Variants in ZNF420 observed in about 807,000 individuals in gnomAD.
ZNF420 encodes zinc finger protein 420, also known as ATM and p53-associated KZNF protein.
ZNF420 carries 31 observed loss-of-function variants against 44.7 expected under a neutral mutation model. That is an observed-to-expected ratio of 0.69 (90% CI 0.52 to 0.94). The LOEUF (loss-of-function observed/expected upper bound fraction) is 0.94. Among genes scored for constraint, ZNF420 ranks in the 40% least tolerant of loss-of-function variants. The probability of loss-of-function intolerance (pLI) is 0.00; values close to 1 mark genes in which losing one functional copy is unlikely to be tolerated. For missense variants in ZNF420, 681 were observed against 827.9 expected (o/e 0.82, Z 2.18); for synonymous variants, 245 against 267.4 (o/e 0.92, Z 0.82).
upstream of ZNF420, among the ~76,000 whole-genome samples, chr19:37,074,526 A>C (rs1330176011): frequency 6.6e-6 from 1 of 152,210 alleles, no homozygotes; most frequent in African/African-American, 2.4e-5. Context: ...AGGCCCACCT[A>C]CTGTAATGTG....
rs141186949 is a variant in ZNF420, at chr19:37,053,277, C to T, written c.-124-27068C>T. Among the ~76,000 whole-genome samples the T allele has an allele frequency of 6.2e-3, 940 of 152,152 alleles. 28 individuals are homozygous for T. The highest frequency in any genetic ancestry group is 0.05 in the East Asian group (257 of 5,168). ...TATCCATTAGTCTAATTTTTTTCAA[C>T]GTTTTTAACCTCTTTGCCATGGGTT... On this transcript the variant is annotated intron_variant, in intron 1 of 4. Transcript: ENST00000587029.
At chr19:37,018,292 A>C (rs1436443646) in intron 1 of ZNF420, among the ~76,000 whole-genome samples, 1 of 152,234 alleles carries the variant, frequency 6.6e-6, no homozygotes, top group South Asian at 2.1e-4. Flanking sequence ...TAAACGGAAA[A>C]ATCTATCCTG....
At chr19:37,045,665 T>C (rs939101314) in intron 1 of ZNF420, among the ~76,000 whole-genome samples, 1 of 152,188 alleles carries the variant, frequency 6.6e-6, no homozygotes, top group Non-Finnish European at 1.5e-5. Context: ...AAAAGATCAT[T>C]ATAATGCTAC....
intron 2 of ZNF420, among the ~76,000 whole-genome samples, chr19:37,086,125 C>T (rs1294972576): frequency 1.3e-5 from 2 of 151,988 alleles, no homozygotes; most frequent in Non-Finnish European, 2.9e-5. Context: ...TACTTTTTCA[C>T]TCTTAGCCCT....
intron 1 of ZNF420, among the ~76,000 whole-genome samples, chr19:37,059,978 G>T (rs1171953524): frequency 6.6e-6 from 1 of 152,022 alleles, no homozygotes; most frequent in Non-Finnish European, 1.5e-5. Flanking sequence ...GCCAAAAAGG[G>T]ATTTCTTGTA....
chr19:37,125,963 A>G (rs1308019967), intron 4 of ZNF420, among the ~76,000 whole-genome samples: 1 of 152,162 alleles, frequency 6.6e-6, no homozygotes, highest in Non-Finnish European at 1.5e-5. Flanking sequence ...GCCCTGTGAC[A>G]CAGTCCAAAA....
chr19:37,114,553 C>T (rs1158141340), intron 4 of ZNF420, among the ~76,000 whole-genome samples: 1 of 152,064 alleles, frequency 6.6e-6, no homozygotes, highest in Non-Finnish European at 1.5e-5. Context: ...CTCTGATGGC[C>T]CCACTAATTC....
chr19:37,103,684 A>G (rs958879666), intron 4 of ZNF420, among the ~76,000 whole-genome samples: 1 of 152,202 alleles, frequency 6.6e-6, no homozygotes, highest in Non-Finnish European at 1.5e-5. Context: ...ACTTAAGCCC[A>G]GTACCCTCAC....
chr19:37,112,624 C>T (rs185626832), intron 4 of ZNF420, among the ~76,000 whole-genome samples: 19 of 152,214 alleles, frequency 1.2e-4, no homozygotes, highest in Non-Finnish European at 7.4e-5. Flanking sequence ...CCTGACTTGC[C>T]CAATATGCAG....
chr19:37,059,597 C>A (rs1967832325), intron 1 of ZNF420, among the ~76,000 whole-genome samples: 1 of 152,124 alleles, frequency 6.6e-6, no homozygotes, highest in African/African-American at 2.4e-5. Context: ...CGCGGCATCC[C>A]AGGCTCAGGC....
intron 1 of ZNF420, among the ~76,000 whole-genome samples, chr19:37,049,105 C>T (rs1967594194): frequency 6.6e-6 from 1 of 152,062 alleles, no homozygotes; most frequent in Non-Finnish European, 1.5e-5. Context: ...TTTTCTTAAT[C>T]CAGTCTATCA....
At chr19:37,069,650 A>C (rs1303768577) in intron 1 of ZNF420, among the ~76,000 whole-genome samples, 1 of 152,128 alleles carries the variant, frequency 6.6e-6, no homozygotes, top group Non-Finnish European at 1.5e-5. Context: ...CTGAACTAAA[A>C]GTGAAAAACA....
At chr19:37,095,129 C>T in intron 4 of ZNF420, among the ~76,000 whole-genome samples, 1 of 63,412 alleles carries the variant, frequency 1.6e-5, no homozygotes, top group East Asian at 4.8e-4. Flanking sequence ...GACTCTGTCT[C>T]AAAAAAAAAA....
chr19:37,018,059 A>G (rs1051423413), intron 1 of ZNF420, among the ~76,000 whole-genome samples: 8 of 152,204 alleles, frequency 5.3e-5, no homozygotes, highest in Non-Finnish European at 1.0e-4. Context: ...GCCATTCACA[A>G]TAGCATCAAA....
chr19:37,014,525 C>T (rs749201705), intron 1 of ZNF420, among the ~76,000 whole-genome samples: 28 of 152,200 alleles, frequency 1.8e-4, no homozygotes, highest in Non-Finnish European at 2.8e-4. Flanking sequence ...CTTAAGGAGG[C>T]CCTGAGGTCA....
intron 1 of ZNF420, among the ~76,000 whole-genome samples, chr19:37,036,569 G>T (rs574567544): frequency 6.6e-6 from 1 of 152,046 alleles, no homozygotes; most frequent in African/African-American, 2.4e-5. Context: ...TTGGTCATTC[G>T]TATCCTTTGG....
At chr19:37,112,769 A>G (rs939511545) in intron 4 of ZNF420, among the ~76,000 whole-genome samples, 1 of 152,150 alleles carries the variant, frequency 6.6e-6, no homozygotes, top group Non-Finnish European at 1.5e-5. Context: ...CTAATAACCA[A>G]TTGAATTTCG....
intron 4 of ZNF420, among the ~76,000 whole-genome samples, chr19:37,096,513 A>G (rs1969463847): frequency 1.3e-5 from 2 of 152,048 alleles, no homozygotes; most frequent in Non-Finnish European, 2.9e-5. Flanking sequence ...AATATTTCCA[A>G]TTTTGTAAAG....
At chr19:37,019,878 C>T (rs1026838431) in intron 1 of ZNF420, among the ~76,000 whole-genome samples, 1 of 152,010 alleles carries the variant, frequency 6.6e-6, no homozygotes, top group Non-Finnish European at 1.5e-5. Flanking sequence ...TGTACACCCA[C>T]GTGACAGAGC....
Sources: gnomAD v4.1 joint callset for allele counts (sites outside exome capture counted in the v4.1 genomes callset) on GRCh38, gnomAD v4.1.1 for gene constraint, MANE v1.5 for transcripts, NCBI Gene and HGNC (gene_info 2026-07-23, HGNC 2026-07-21) for gene names.